BARD1: variants seen among roughly 807,000 people sequenced by gnomAD.
BARD1 encodes BRCA1-associated RING domain protein 1.
A neutral mutation model predicts 77.0 loss-of-function variants in BARD1; 73 were observed. The observed-to-expected ratio is 0.95, with a 90% CI of 0.79 to 1.15. The LOEUF is 1.15. Ranked by LOEUF, BARD1 falls within the 50% of genes most tolerant of loss-of-function variation. The pLI is 0.00. For synonymous variants in BARD1, 384 were observed against 338.0 expected (o/e 1.14, Z -1.49); for missense variants, 993 against 938.8 (o/e 1.06, Z -0.75).
intron 6 of BARD1, among the ~76,000 whole-genome samples, chr2:214,753,783 C>A (rs576321428): frequency 1.3e-5 from 2 of 152,078 alleles, no homozygotes; most frequent in African/African-American, 4.8e-5. Context: ...AAGAAATGAA[C>A]CACAGCAAAT....
intron 6 of BARD1, among the ~76,000 whole-genome samples, chr2:214,761,040 C>T (rs1180235645): frequency 6.6e-6 from 1 of 150,524 alleles, no homozygotes; most frequent in Non-Finnish European, 1.5e-5. Context: ...TCTCAATCCA[C>T]AGGGACTTTT....
At chr2:214,763,501 C>T (rs1007923335) in intron 6 of BARD1, among the ~76,000 whole-genome samples, 1 of 152,152 alleles carries the variant, frequency 6.6e-6, no homozygotes, top group Non-Finnish European at 1.5e-5. Flanking sequence ...ATGAAGAACA[C>T]AGCCAAAATG....
intron 1 of BARD1, 26 bp from the exon 2 acceptor site, chr2:214,797,143 A>G: frequency 6.3e-7 from 1 of 1,584,888 alleles, no homozygotes; most frequent in Non-Finnish European, 8.7e-7. Context: ...AAAACAATCA[A>G]GATTTGAGTC....
At position 214,781,283 on chromosome 2, in the gene BARD1, C is replaced by T. The variant is rs1695014095; in HGVS notation, c.591G>A (p.Lys197=). ...GCTTTTTTCCAGATCTTGCAGAAGC[C>T]TTTTTAGCCCTCTCAGAAACATCTG... The part of the protein sequence containing the change: ...PPADVSERAK[K]ASARSGKKQK... The change falls in exon 4 of 11, where the codon AAG becomes AAA. Residue 197 remains lysine (K), a synonymous_variant. Coordinates refer to ENST00000260947, the MANE Select transcript of BARD1 (RefSeq NM_000465.4). The T allele has an allele frequency of 6.2e-7, 1 of 1,602,844 alleles. No individual in the cohort carries two copies. The highest frequency in any genetic ancestry group is 1.3e-5 in the African/African-American group (1 of 74,148).
chr2:214,744,252 T>G (rs904078938), intron 9 of BARD1, among the ~76,000 whole-genome samples: 2 of 152,132 alleles, frequency 1.3e-5, no homozygotes, highest in African/African-American at 4.8e-5. Context: ...GTATACATTT[T>G]CAGTGGAGGT....
chr2:214,745,627 G>T, intron 8 of BARD1, 95 bp downstream of exon 8: 1 of 1,502,204 alleles, frequency 6.7e-7, no homozygotes. Flanking sequence ...TCTCCCAATG[G>T]TTAAAACATA....
At chr2:214,789,062 G>A (rs1309514602) in intron 3 of BARD1, among the ~76,000 whole-genome samples, 1 of 152,004 alleles carries the variant, frequency 6.6e-6, no homozygotes, top group Non-Finnish European at 1.5e-5. Context: ...TTAGAGATCT[G>A]GACAGAAGGT....
chr2:214,771,706 C>T (rs974323436), intron 4 of BARD1, among the ~76,000 whole-genome samples: 5 of 150,588 alleles, frequency 3.3e-5, no homozygotes, highest in African/African-American at 7.4e-5. Flanking sequence ...CCAGCCTGGG[C>T]GACAGAGCGA....
chr2:214,773,753 T>C (rs902951969), intron 4 of BARD1, among the ~76,000 whole-genome samples: 2 of 152,188 alleles, frequency 1.3e-5, no homozygotes, highest in Admixed American at 1.3e-4. Flanking sequence ...AGCAAGCAGG[T>C]AGTTGCTGAA....
At chr2:214,788,284 A>C (rs1303044419) in intron 3 of BARD1, among the ~76,000 whole-genome samples, 1 of 152,042 alleles carries the variant, frequency 6.6e-6, no homozygotes, top group East Asian at 1.9e-4. Context: ...AGAAAATAAA[A>C]ACTTTTAAAT....
chr2:214,792,129 T>G (rs578217871), intron 3 of BARD1, among the ~76,000 whole-genome samples, 168 bp downstream of exon 3: 2 of 140,966 alleles, frequency 1.4e-5, no homozygotes, highest in Non-Finnish European at 3.0e-5. Flanking sequence ...TTGGACAACA[T>G]AGAGAGACTC....
intron 7 of BARD1, among the ~76,000 whole-genome samples, chr2:214,751,351 T>G (rs1559393581): frequency 6.6e-6 from 1 of 150,376 alleles, no homozygotes; most frequent in Admixed American, 6.7e-5. Context: ...AGAGATGGGA[T>G]GGGGTTTCAC....
chr2:214,795,589 T>C (rs917474692), intron 2 of BARD1, among the ~76,000 whole-genome samples: 1 of 152,138 alleles, frequency 6.6e-6, no homozygotes, highest in Non-Finnish European at 1.5e-5. Context: ...AGACCAGCTA[T>C]GAACCTATCA....
At chr2:214,796,997 T>G (rs1695784219) in intron 2 of BARD1, 64 bp downstream of exon 2, 2 of 1,246,924 alleles carry the variant, frequency 1.6e-6, no homozygotes, top group African/African-American at 1.5e-5. Flanking sequence ...ATCAACAAGA[T>G]TACATGATTG....
In BARD1 at chr2:214,809,654, C is replaced by A. The variant is rs1390972827; in HGVS notation, c.-85G>T. 1.3e-6 allele frequency: 2 copies of A among 1,489,526 alleles called. No individual in the cohort carries two copies. Among genetic ancestry groups the A allele is most frequent in the East Asian group, 5.0e-5 (2 of 39,978 alleles). The allele number at this position is 1,489,526 out of a possible 1,614,324, so 92.3% of individuals were successfully genotyped here. ...CCACAGGGAAGCTGCAGGCCAGCGACTCGAAACCGGCCAAGCTCTTCCCGC... is the reference window on the plus strand; with the variant it reads ...CCACAGGGAAGCTGCAGGCCAGCGAATCGAAACCGGCCAAGCTCTTCCCGC... On this transcript the variant is annotated 5_prime_UTR_variant, in exon 1 of 11. Transcript: ENST00000260947.
At chr2:214,771,365 CCT>C (rs1166772282) in intron 4 of BARD1, among the ~76,000 whole-genome samples, 3 of 152,020 alleles carry the variant, frequency 2.0e-5, no homozygotes, top group Admixed American at 6.6e-5. Context: ...AAATTTTTTT[CCT>C]CTGTTGGTTT....
At chr2:214,763,286 A>G (rs1331764786) in intron 6 of BARD1, among the ~76,000 whole-genome samples, 2 of 152,120 alleles carry the variant, frequency 1.3e-5, no homozygotes, top group Non-Finnish European at 2.9e-5. Context: ...TGAGACTTTC[A>G]TACTACTGTG....
At chr2:214,763,931 G>A (rs1307838418) in intron 6 of BARD1, among the ~76,000 whole-genome samples, 1 of 152,104 alleles carries the variant, frequency 6.6e-6, no homozygotes, top group Non-Finnish European at 1.5e-5. Context: ...AATTCTAGAA[G>A]ACAGTCTCTA....
intron 9 of BARD1, among the ~76,000 whole-genome samples, chr2:214,734,334 AAGT>A (rs1692479172): frequency 6.6e-6 from 1 of 152,112 alleles, no homozygotes; most frequent in Admixed American, 6.6e-5. Flanking sequence ...TGGAAAGAAA[AAGT>A]AGAACATCAT....
Sources: allele counts gnomAD v4.1 joint callset (sites outside exome capture counted in the v4.1 genomes callset), GRCh38; gene constraint gnomAD v4.1.1; transcripts MANE v1.5; gene names NCBI Gene and HGNC (gene_info 2026-07-23, HGNC 2026-07-21).